TAFA1: variants seen among roughly 807,000 people sequenced by gnomAD.
TAFA1 encodes the protein chemokine-like protein TAFA-1.
Under a neutral mutation model 18.5 loss-of-function variants are expected in TAFA1, and 4 were observed. The observed-to-expected ratio is 0.22, with a 90% CI of 0.11 to 0.49. The LOEUF is 0.49. Ranked by LOEUF, TAFA1 falls within the 20% of genes least tolerant of loss-of-function variation. The pLI is 0.98. For synonymous variants in TAFA1, 56 were observed against 55.2 expected (o/e 1.01, Z -0.06); for missense variants, 147 against 169.0 (o/e 0.87, Z 0.72).
chr3:68,127,443 G>A (rs1162476152), intron 2 of TAFA1, among the ~76,000 whole-genome samples: 1 of 151,894 alleles, frequency 6.6e-6, no homozygotes, highest in African/African-American at 2.4e-5. Flanking sequence ...TTATAATGTT[G>A]TAATGTTGTT....
chr3:68,540,490 A>G (rs1387939713), intron 4 of TAFA1, among the ~76,000 whole-genome samples: 1 of 152,230 alleles, frequency 6.6e-6, no homozygotes, highest in African/African-American at 2.4e-5. Context: ...GATTCTTCCC[A>G]ATAATTTGAA....
intron 2 of TAFA1, among the ~76,000 whole-genome samples, chr3:68,159,362 A>G (rs1575651844): frequency 6.6e-6 from 1 of 152,316 alleles, no homozygotes; most frequent in South Asian, 2.1e-4. Context: ...TGCTCCTTGA[A>G]AAAAATAGTT....
intron 3 of TAFA1, among the ~76,000 whole-genome samples, chr3:68,497,346 G>A (rs2072566525): frequency 6.6e-6 from 1 of 152,130 alleles, no homozygotes; most frequent in South Asian, 2.1e-4. Context: ...ATAGCAATAT[G>A]GCAAGGCTGG....
intron 3 of TAFA1, among the ~76,000 whole-genome samples, chr3:68,438,325 C>T (rs1455293746): frequency 7.9e-5 from 12 of 152,118 alleles, no homozygotes; most frequent in Admixed American, 7.9e-4. Flanking sequence ...TCACTGCACT[C>T]CAGCCCAGGA....
At chr3:68,518,882 T>A (rs2106746025) in intron 3 of TAFA1, among the ~76,000 whole-genome samples, 1 of 152,282 alleles carries the variant, frequency 6.6e-6, no homozygotes, top group Non-Finnish European at 1.5e-5. Context: ...GGTTTCAGAG[T>A]AATTTTTATT....
In TAFA1 at chr3:68,343,402, C is replaced by CAT. The variant is rs541215141; in HGVS notation, c.119-73876_119-73875dup. On this transcript the variant is annotated intron_variant, in intron 2 of 4. Transcript: ENST00000478136. ...TTCTTATGTACACTAAAGTTTGAGA[C>CAT]ATACTGGTCTCTGTGCTTTGAAATT... Among the ~76,000 whole-genome samples the CAT allele has an allele frequency of 6.7e-3, 1,027 of 152,248 alleles. 11 individuals carry two copies. Among genetic ancestry groups the CAT allele is most frequent in the African/African-American group, 0.024 (987 of 41,532 alleles).
chr3:68,038,736 G>A (rs1354970163), intron 2 of TAFA1, among the ~76,000 whole-genome samples: 3 of 152,010 alleles, frequency 2.0e-5, no homozygotes, highest in Non-Finnish European at 4.4e-5. Flanking sequence ...GACATTAAAA[G>A]TAGGAAGATA....
chr3:68,063,671 A>G (rs532407388), intron 2 of TAFA1, among the ~76,000 whole-genome samples: 1 of 152,348 alleles, frequency 6.6e-6, no homozygotes, highest in South Asian at 2.1e-4. Context: ...TTGAAATTAC[A>G]GTCATTATTC....
At chr3:68,384,324 T>C (rs943384272) in intron 2 of TAFA1, among the ~76,000 whole-genome samples, 1 of 152,118 alleles carries the variant, frequency 6.6e-6, no homozygotes, top group African/African-American at 2.4e-5. Context: ...TCTAAATCTA[T>C]CTTAACACTG....
At chr3:68,253,928 G>A (rs534076785) in intron 2 of TAFA1, among the ~76,000 whole-genome samples, 17 of 152,268 alleles carry the variant, frequency 1.1e-4, no homozygotes, top group African/African-American at 4.1e-4. Context: ...ATTATCATGT[G>A]GCAACTGGGT....
intron 2 of TAFA1, among the ~76,000 whole-genome samples, chr3:68,219,449 C>T (rs2066703576): frequency 6.6e-6 from 1 of 152,100 alleles, no homozygotes. Context: ...TTTTCCAATG[C>T]AGTTGTGTAT....
intron 2 of TAFA1, among the ~76,000 whole-genome samples, chr3:68,170,579 G>C (rs2066040106): frequency 6.6e-6 from 1 of 152,148 alleles, no homozygotes; most frequent in South Asian, 2.1e-4. Flanking sequence ...CAACATGCAT[G>C]TTCAGAGCTG....
chr3:68,322,872 G>C (rs2068716449), intron 2 of TAFA1, among the ~76,000 whole-genome samples: 1 of 152,110 alleles, frequency 6.6e-6, no homozygotes, highest in African/African-American at 2.4e-5. Flanking sequence ...GAACCTTGGA[G>C]GCAGAGGTTG....
intron 2 of TAFA1, among the ~76,000 whole-genome samples, chr3:68,036,222 C>T (rs1214239573): frequency 2.0e-5 from 3 of 152,136 alleles, no homozygotes; most frequent in Admixed American, 1.3e-4. Context: ...GGGTGGATCA[C>T]GAGGTCAGCA....
intron 2 of TAFA1, among the ~76,000 whole-genome samples, chr3:68,219,424 C>T (rs958236061): frequency 5.3e-5 from 8 of 152,054 alleles, no homozygotes; most frequent in Non-Finnish European, 1.2e-4. Context: ...CACTCTGTTA[C>T]CCTATCTTTT....
intron 2 of TAFA1, among the ~76,000 whole-genome samples, chr3:68,296,259 C>T (rs1024289832): frequency 2.0e-5 from 2 of 102,104 alleles, no homozygotes; most frequent in African/African-American, 7.5e-5. Flanking sequence ...TTATCTACAG[C>T]CTTTTAAAAC....
intron 2 of TAFA1, among the ~76,000 whole-genome samples, chr3:68,202,930 A>G (rs1392891526): frequency 4.6e-5 from 7 of 151,686 alleles, no homozygotes; most frequent in Non-Finnish European, 7.4e-5. Flanking sequence ...ATCTTTTTAA[A>G]TAGAGTTTCT....
At chr3:68,097,061 C>CAGATGCTCTGGGA (rs1415855964) in intron 2 of TAFA1, among the ~76,000 whole-genome samples, 1 of 152,084 alleles carries the variant, frequency 6.6e-6, no homozygotes, top group Non-Finnish European at 1.5e-5. Context: ...GATTTAATAA[C>CAGATGCTCTGGGA]AGATGCTCTG....
intron 2 of TAFA1, among the ~76,000 whole-genome samples, chr3:68,186,694 AC>A (rs1384239463): frequency 1.3e-5 from 2 of 151,996 alleles, no homozygotes; most frequent in Non-Finnish European, 2.9e-5. Context: ...CAGGGACCCA[AC>A]CTGCCTGGGC....
Sources: allele counts gnomAD v4.1 joint callset (sites outside exome capture counted in the v4.1 genomes callset), GRCh38; gene constraint gnomAD v4.1.1; transcripts MANE v1.5; gene names NCBI Gene and HGNC (gene_info 2026-07-23, HGNC 2026-07-21).